ANAPC1: variants seen among roughly 807,000 people sequenced by gnomAD.
The protein encoded by ANAPC1 is anaphase-promoting complex subunit 1.
ANAPC1 carries 36 observed loss-of-function variants against 208.0 expected under a neutral mutation model. The observed-to-expected ratio is 0.17, with a 90% confidence interval of 0.13 to 0.23. ANAPC1 has a LOEUF of 0.23. Among genes scored for constraint, ANAPC1 ranks in the 10% least tolerant of loss-of-function variants. ANAPC1 has a pLI of 1.00. For missense variants in ANAPC1, 942 were observed against 2,011.6 expected (o/e 0.47, Z 10.17); for synonymous variants, 378 against 695.2 (o/e 0.54, Z 7.18).
At chr2:111,868,537 CT>C (rs777895945) in intron 6 of ANAPC1, among the ~76,000 whole-genome samples, 3 of 150,830 alleles carry the variant, frequency 2.0e-5, no homozygotes, top group African/African-American at 7.3e-5. Context: ...ATTAAGTCTG[CT>C]TTTTTTTTCT....
At chr2:111,773,272 C>T (rs1289316427) in intron 46 of ANAPC1, among the ~76,000 whole-genome samples, 2 of 152,072 alleles carry the variant, frequency 1.3e-5, no homozygotes, top group African/African-American at 4.8e-5. Flanking sequence ...CACAAAACTC[C>T]TAGAAGCAAC....
intron 46 of ANAPC1, among the ~76,000 whole-genome samples, chr2:111,776,221 G>A (rs995598200): frequency 1.3e-5 from 2 of 151,704 alleles, no homozygotes; most frequent in African/African-American, 4.8e-5. Flanking sequence ...AAAGATCAAG[G>A]AGTCTACTCC....
At chr2:111,864,413 A>T (rs571276965) in intron 8 of ANAPC1, among the ~76,000 whole-genome samples, 1 of 149,812 alleles carries the variant, frequency 6.7e-6, no homozygotes. Context: ...AAAAAAAAAA[A>T]AAAAAAGTGA....
At position 111,843,474 on chromosome 2, in the gene ANAPC1, A is replaced by G. The variant is rs957801172; in HGVS notation, c.1978T>C (p.Phe660Leu). ...GPSYHSEWNL[F>L]VTCLMNMMGY... ...ATCATGTTCATGAGACAAGTCACAA[A>G]TAAATTCCACTCTGAGTGATAACTG... Residue 660 changes from phenylalanine (F) to leucine (L), a missense_variant, in exon 17 of 48, where the codon TTT (phenylalanine) becomes CTT (leucine). Transcript: ENST00000341068. 1.2e-6 allele frequency: 2 copies of G among 1,611,996 alleles called. No homozygotes were observed. Among genetic ancestry groups the G allele is most frequent in the Non-Finnish European group, 8.5e-7 (1 of 1,179,854 alleles).
chr2:111,847,340 C>T (rs1297442334), intron 15 of ANAPC1, 142 bp from the exon 16 acceptor site: 7 of 629,582 alleles, frequency 1.1e-5, no homozygotes, highest in Admixed American at 3.7e-5. Context: ...TGAACACTTC[C>T]GAATTTCAGA....
In ANAPC1 at chr2:111,769,185, C is replaced by A. The variant is rs1676584635; in HGVS notation, c.*106G>T. On this transcript the variant is annotated 3_prime_UTR_variant, in exon 48 of 48. Transcript: ENST00000341068. ...ATTGAGGTTTGTGCAGCTCATTTCCCCCTAGTTATACCATAAAACTTTATA... is the reference window on the plus strand; with the variant it reads ...ATTGAGGTTTGTGCAGCTCATTTCCACCTAGTTATACCATAAAACTTTATA... The A allele has an allele frequency of 3.2e-6, 3 of 935,630 alleles. No individual in the cohort carries two copies. Among genetic ancestry groups the A allele is most frequent in the Non-Finnish European group, 4.8e-6 (3 of 627,446 alleles). 58.0% of individuals were successfully genotyped at this position (935,630 alleles called of 1,614,324 possible). A position where few individuals can be genotyped will look rare whatever the true frequency, so the allele number is the denominator to read the frequency against.
At chr2:111,810,623 C>G (rs1678933967) in intron 28 of ANAPC1, among the ~76,000 whole-genome samples, 1 of 148,264 alleles carries the variant, frequency 6.7e-6, no homozygotes, top group African/African-American at 2.5e-5. Flanking sequence ...AGGCTCACGC[C>G]TATAATCCCA....
rs1398375967 is a variant in ANAPC1 at position 111,872,177 on chromosome 2, GT to G, written c.611+452del. ...TTGTGGTAAGTCCCTTCTATGCCTA[GT>G]TTGTTTTTATCATCAAGGGATGCTG... On this transcript the variant is annotated intron_variant, in intron 6 of 47. Coordinates refer to ENST00000341068, the MANE Select transcript of ANAPC1 (RefSeq NM_022662.4). Among the ~76,000 whole-genome samples, 13 of 152,142 alleles carry G rather than the reference GT, an allele frequency of 8.5e-5. No individual in the cohort carries two copies. In the East Asian group the frequency reaches 2.5e-3, roughly 29 times the overall value.
chr2:111,877,160 G>A (rs9653414), intron 3 of ANAPC1, among the ~76,000 whole-genome samples: 81,489 of 143,770 alleles, frequency 0.57, 24,285 homozygotes, highest in South Asian at 0.67. Flanking sequence ...TAAAATCATC[G>A]TCCCTGAGAA....
intron 6 of ANAPC1, among the ~76,000 whole-genome samples, chr2:111,870,440 G>A (rs1399748884): frequency 3.9e-5 from 6 of 152,194 alleles, no homozygotes; most frequent in Non-Finnish European, 8.8e-5. Context: ...ATCTCACTGT[G>A]GTTTTAATTT....
At chr2:111,806,214 CA>C (rs1306503949) in intron 29 of ANAPC1, among the ~76,000 whole-genome samples, 1 of 102,024 alleles carries the variant, frequency 9.8e-6, no homozygotes, top group Admixed American at 1.1e-4. Context: ...TAAGAGTATT[CA>C]AAAAAAAAGT....
At chr2:111,799,265 C>T (rs1450207431) in intron 34 of ANAPC1, among the ~76,000 whole-genome samples, 1 of 151,682 alleles carries the variant, frequency 6.6e-6, no homozygotes, top group Non-Finnish European at 1.5e-5. Context: ...ATTACGTATT[C>T]ATCAGCAGCA....
intron 6 of ANAPC1, among the ~76,000 whole-genome samples, chr2:111,871,719 T>G (rs1682757230): frequency 6.6e-6 from 1 of 152,132 alleles, no homozygotes; most frequent in Non-Finnish European, 1.5e-5. Context: ...GCCACTGCAC[T>G]CCAGACTGGG....
intron 37 of ANAPC1, among the ~76,000 whole-genome samples, 176 bp from the exon 38 acceptor site, chr2:111,792,731 T>C (rs1677945474): frequency 6.6e-6 from 1 of 151,830 alleles, no homozygotes; most frequent in African/African-American, 2.4e-5. Context: ...GGCGGGCGGA[T>C]CACGAGGTCA....
chr2:111,782,593 G>A lies in ANAPC1; in HGVS notation c.5064-86C>T, dbSNP rs552333928. The A allele has an allele frequency of 3.2e-5, 49 of 1,516,682 alleles. No individual in the cohort carries two copies. The East Asian group carries it at 8.5e-4, about 26-fold the overall frequency. 94.0% of individuals were successfully genotyped at this position (1,516,682 alleles called of 1,614,324 possible). ...TGTTTTCCCAATACCATGTTCACAG[G>A]AGATGAAGCTTTTACCATTTTCCAC... On this transcript the variant is annotated intron_variant, in intron 42 of 47. Transcript: ENST00000341068.
chr2:111,773,474 T>C (rs1246011965), intron 46 of ANAPC1, among the ~76,000 whole-genome samples: 1 of 152,130 alleles, frequency 6.6e-6, no homozygotes, highest in African/African-American at 2.4e-5. Context: ...TCTAATAACA[T>C]AGGCATACTT....
intron 44 of ANAPC1, chr2:111,779,193 G>C: frequency 6.1e-6 from 1 of 164,090 alleles, no homozygotes; most frequent in Non-Finnish European, 1.3e-5. Flanking sequence ...GGCTTTATTA[G>C]AGACCCGTGA....
rs781502065 is a variant in ANAPC1 at position 111,879,005 on chromosome 2, C to T, written c.214-34G>A. ...TTAACACATGTAAAACATATTCAAG[C>T]ACTCTTTTTTTGTTCTTCAAAAATC... On this transcript the variant is annotated intron_variant, in intron 2 of 47. Coordinates refer to ENST00000341068, the MANE Select transcript of ANAPC1 (RefSeq NM_022662.4). 9.4e-6 allele frequency: 15 copies of T among 1,589,474 alleles called. No individual in the cohort carries two copies. The South Asian group carries it at 1.5e-4, about 16-fold the overall frequency.
At chr2:111,771,933 A>T (rs1676762122) in intron 47 of ANAPC1, among the ~76,000 whole-genome samples, 1 of 151,380 alleles carries the variant, frequency 6.6e-6, no homozygotes, top group Admixed American at 6.6e-5. Context: ...TATTATAAAA[A>T]AATTCAAACA....
Sources: allele counts gnomAD v4.1 joint callset (sites outside exome capture counted in the v4.1 genomes callset), GRCh38; gene constraint gnomAD v4.1.1; transcripts MANE v1.5; gene names NCBI Gene and HGNC (gene_info 2026-07-23, HGNC 2026-07-21).